The following MTMR10 variants were observed in gnomAD, a reference collection of about 807,000 sequenced individuals.
MTMR10 encodes myotubularin related protein 10, also known as myotubularin-related protein 10.
In MTMR10, 56 loss-of-function variants were observed where a neutral mutation model predicts 88.1. That is an observed-to-expected ratio of 0.64 (90% CI 0.51 to 0.79). MTMR10 has a LOEUF of 0.79. Among genes scored for constraint, MTMR10 ranks in the 30% least tolerant of loss-of-function variants. MTMR10 has a pLI of 0.00. For missense variants in MTMR10, 883 were observed against 924.7 expected, an observed-to-expected ratio of 0.95 and a Z score of 0.58; for synonymous variants, 380 against 340.9, an observed-to-expected ratio of 1.11 and a Z score of -1.26.
At chr15:30,945,917 T>G (rs1180298232) in intron 14 of MTMR10, among the ~76,000 whole-genome samples, 3 of 152,206 alleles carry the variant, frequency 2.0e-5, no homozygotes, top group Admixed American at 2.0e-4. Flanking sequence ...GCCTCCCCAG[T>G]AGCTGGGACC....
chr15:30,922,747 G>A, the MTMR10 span, among the ~76,000 whole-genome samples: 1 of 152,358 alleles, frequency 6.6e-6, no homozygotes, highest in East Asian at 1.9e-4. Context: ...AGGGTCTCTA[G>A]GTAGAAAGAT....
chr15:30,923,518 T>A, the MTMR10 span, among the ~76,000 whole-genome samples: 1 of 152,178 alleles, frequency 6.6e-6, no homozygotes, highest in East Asian at 1.9e-4. Context: ...TGGCCATAGC[T>A]CTTGTTATTT....
At chr15:30,927,384 A>G in the MTMR10 span, 1 of 985,554 alleles carries the variant, frequency 1.0e-6, no homozygotes, top group Non-Finnish European at 1.2e-6. Flanking sequence ...ACTTGGCAAC[A>G]GCCAGGAGTC....
chr15:30,965,965 C>T (rs2063467449), intron 6 of MTMR10: 2 of 449,454 alleles, frequency 4.4e-6, no homozygotes. Context: ...CTTTCACTCA[C>T]AAATTAATGA....
Position 30,940,211 on chromosome 15 carries a change from C to T in MTMR10, c.*1259G>A. 5 of 985,160 alleles carry T rather than the reference C, an allele frequency of 5.1e-6. No individual in the cohort carries two copies. The highest frequency in any genetic ancestry group is 6.0e-6 in the Non-Finnish European group (5 of 829,862). The allele number at this position is 985,160 out of a possible 1,614,324, so 61.0% of individuals were successfully genotyped here. On this transcript the variant is annotated 3_prime_UTR_variant, in exon 16 of 16. Transcript: ENST00000435680. The stretch of plus-strand genomic sequence containing the variant: ...GGGGAGGTGGTGCCCCGTTTCACTG[C>T]TGTAAGAAGCTTCAGCTTTGACCGC...
At chr15:30,951,505 TTTTA>T (rs988423173) in intron 12 of MTMR10, among the ~76,000 whole-genome samples, 3 of 55,610 alleles carry the variant, frequency 5.4e-5, no homozygotes, top group Admixed American at 4.8e-4. Context: ...TGCCACTGGT[TTTTA>T]TTTATTTTTT....
Position 30,975,000 on chromosome 15 carries a change from A to C in MTMR10, c.262T>G (p.Phe88Val), listed in dbSNP as rs745997366. The C allele has an allele frequency of 8.4e-6, 13 of 1,555,992 alleles. No individual in the cohort carries two copies. Among genetic ancestry groups the C allele is most frequent in the Non-Finnish European group, 1.1e-5 (13 of 1,146,086 alleles). ...CCAAGAAGAAGGTTTCTGTAATGGA[A>C]TTTCTGGAATAAAAAATTATGTTCA... ...ITDDPMPLQK[F>V]HYRNLLLGEH... is the part of the protein sequence containing the mutation. The change falls in exon 4 of 16, where the codon TTC (phenylalanine) becomes GTC (valine). Residue 88 changes from phenylalanine (F) to valine (V), a missense_variant. This residue lies in a region of MTMR10 where 414 missense variants were observed against 423.2 expected (regional missense o/e 0.98). Coordinates refer to ENST00000435680, the MANE Select transcript of MTMR10 (RefSeq NM_017762.3).
Position 30,940,289 on chromosome 15 carries a change from G to A in MTMR10, c.*1181C>T. 1.0e-6 allele frequency: 1 copy of A among 984,524 alleles called. No homozygotes were observed. The highest frequency in any genetic ancestry group is 1.2e-6 in the Non-Finnish European group (1 of 829,480). 61.0% of individuals were successfully genotyped at this position (984,524 alleles called of 1,614,324 possible). A position where few individuals can be genotyped will look rare whatever the true frequency, so the allele number is the denominator to read the frequency against. On this transcript the variant is annotated 3_prime_UTR_variant, in exon 16 of 16. Transcript: ENST00000435680. ...CAGTTTGGAAATACTTTACTTTAGA[G>A]AGATTCAGATCAAGCAAACAACTGT... is the stretch of plus-strand genomic sequence containing the variant.
the MTMR10 span, chr15:30,920,675 C>A: frequency 7.2e-7 from 1 of 1,392,110 alleles, no homozygotes; most frequent in Non-Finnish European, 1.0e-6. Context: ...GGTCCCTGCC[C>A]CCCACCATTA....
chr15:30,936,583 T>C (rs1344026316), downstream of MTMR10, among the ~76,000 whole-genome samples: 1 of 152,266 alleles, frequency 6.6e-6, no homozygotes, highest in African/African-American at 2.4e-5. Flanking sequence ...ATAAATTTCT[T>C]AGCTACATAC....
chr15:30,927,570 C>T, the MTMR10 span: 2 of 985,654 alleles, frequency 2.0e-6, no homozygotes, highest in South Asian at 4.7e-5. Context: ...CACCCCTGAT[C>T]CCACTCACTG....
the MTMR10 span, chr15:30,926,036 T>A: frequency 1.6e-6 from 2 of 1,242,344 alleles, no homozygotes; most frequent in East Asian, 4.7e-5. Context: ...CCTCTCTCTG[T>A]CCTCTGCTCA....
the MTMR10 span, chr15:30,930,656 G>T: frequency 6.2e-7 from 1 of 1,612,864 alleles, no homozygotes; most frequent in Non-Finnish European, 8.5e-7. Context: ...GGAACTCCCA[G>T]AGCCGTCACT....
chr15:30,940,277 C>T lies in MTMR10; in HGVS notation c.*1193G>A, dbSNP rs200689733. 30,489 of 477,092 alleles carry T rather than the reference C, an allele frequency of 0.064. 478 individuals carry two copies. Among genetic ancestry groups the T allele is most frequent in the Non-Finnish European group, 0.072 (27,629 of 383,750 alleles). 29.6% of individuals were successfully genotyped at this position (477,092 alleles called of 1,614,324 possible). A position where few individuals can be genotyped will look rare whatever the true frequency, so the allele number is the denominator to read the frequency against. On this transcript the variant is annotated 3_prime_UTR_variant, in exon 16 of 16. Coordinates refer to ENST00000435680, the MANE Select transcript of MTMR10 (RefSeq NM_017762.3). ...GCTCTTGTCACACAGTTTGGAAATA[C>T]TTTACTTTAGAGAGATTCAGATCAA...
chr15:30,972,471 C>A (rs982013264), intron 5 of MTMR10, among the ~76,000 whole-genome samples: 2 of 152,124 alleles, frequency 1.3e-5, no homozygotes, highest in Non-Finnish European at 2.9e-5. Context: ...AGATTTTTGT[C>A]TGAAACTTGG....
Position 30,990,792 on chromosome 15 carries a change from G to C in MTMR10, c.106C>G (p.Pro36Ala), listed in dbSNP as rs749397412. 1 of 1,610,012 alleles carries C rather than the reference G, an allele frequency of 6.2e-7. No homozygotes were observed. The change falls in exon 2 of 16, where the codon CCA (proline) becomes GCA (alanine). Residue 36 changes from proline (P) to alanine (A), a missense_variant. Physicochemically the swap from Pro to Ala is conservative, Grantham distance 27. Coordinates refer to ENST00000435680, the MANE Select transcript of MTMR10 (RefSeq NM_017762.3). ...TAATGTTTACCTGGCAAAAGGACTGGCTCCAGTTTTTTAATCTTCGGTTCC... is the reference window on the plus strand; with the variant it reads ...TAATGTTTACCTGGCAAAAGGACTGCCTCCAGTTTTTTAATCTTCGGTTCC... ...NSEPKIKKLE[P>A]VLLPGEIVVN... is the part of the protein sequence containing the mutation.
intron 9 of MTMR10, among the ~76,000 whole-genome samples, chr15:30,956,909 G>A (rs562594214): frequency 1.3e-5 from 2 of 152,338 alleles, no homozygotes; most frequent in African/African-American, 4.8e-5. Flanking sequence ...ACAGCAGACA[G>A]TTAATTCCAA....
intron 12 of MTMR10, among the ~76,000 whole-genome samples, chr15:30,950,529 G>A (rs1007124841): frequency 6.6e-6 from 1 of 152,132 alleles, no homozygotes; most frequent in East Asian, 1.9e-4. Flanking sequence ...AATTAGCCGG[G>A]CGTGGTGGTG....
Position 30,960,904 on chromosome 15 carries a change from G to A in MTMR10, c.735C>T (p.Asn245=), listed in dbSNP as rs183123983. Residue 245 remains asparagine, a synonymous_variant, in exon 7 of 16, where the codon AAC becomes AAT. Coordinates refer to ENST00000435680, the MANE Select transcript of MTMR10 (RefSeq NM_017762.3). ...GASGWRVCSI[N]EGYMISTCLP... ...ACCAAGTGGATATCATGTAACCCTC[G>A]TTAATAGAACAAACTCTCCACCCGG... 3.4e-5 allele frequency: 55 copies of A among 1,610,856 alleles called. No individual in the cohort carries two copies. The highest frequency in any genetic ancestry group is 3.1e-4 in the African/African-American group (23 of 74,958).
Sources: gnomAD v4.1 joint callset for allele counts (sites outside exome capture counted in the v4.1 genomes callset) on GRCh38, gnomAD v4.1.1 for gene constraint, gnomAD v4.1.1 regional missense constraint, MANE v1.5 for transcripts, NCBI Gene and HGNC (gene_info 2026-07-23, HGNC 2026-07-21) for gene names.